The following KCNJ5 variants were observed in gnomAD, a reference collection of about 807,000 sequenced individuals.
The protein encoded by KCNJ5 is G protein-activated inward rectifier potassium channel 4.
In KCNJ5, 12 loss-of-function variants were observed where a neutral mutation model predicts 20.2. The observed-to-expected ratio is 0.59, with a 90% CI of 0.38 to 0.96. The LOEUF (loss-of-function observed/expected upper bound fraction) is 0.96, where lower values mean the gene tolerates loss of function less well. Ranked by LOEUF, KCNJ5 falls within the 40% of genes least tolerant of loss-of-function variation. The pLI, the probability that KCNJ5 is intolerant of heterozygous loss-of-function variation, is 0.00. For missense variants in KCNJ5, 449 were observed against 557.6 expected (o/e 0.81, Z 1.96); for synonymous variants, 210 against 213.9 (o/e 0.98, Z 0.16).
At chr11:128,905,771 G>A (rs1294388416) in intron 1 of KCNJ5, 3 of 152,590 alleles carry the variant, frequency 2.0e-5, no homozygotes, top group Non-Finnish European at 4.4e-5. Context: ...GGGAGGAAAG[G>A]GGCACGGGTT....
At chr11:128,908,288 A>C (rs1310398491) in intron 1 of KCNJ5, among the ~76,000 whole-genome samples, 1 of 152,244 alleles carries the variant, frequency 6.6e-6, no homozygotes, top group African/African-American at 2.4e-5. Context: ...CTTTCCATGA[A>C]TCCCTACAAT....
At chr11:128,903,903 C>G (rs4937388) in intron 1 of KCNJ5, among the ~76,000 whole-genome samples, 44,848 of 151,364 alleles carry the variant, frequency 0.3, 7,007 homozygotes, top group African/African-American at 0.41. Flanking sequence ...GTGCTCCCCC[C>G]GGGACTCAGA....
chr11:128,896,543 G>A (rs970549725), intron 1 of KCNJ5, among the ~76,000 whole-genome samples: 3 of 152,096 alleles, frequency 2.0e-5, no homozygotes, highest in African/African-American at 7.2e-5. Context: ...TTTGGGATTG[G>A]CTTTTTTCAC....
chr11:128,911,140 C>A lies in KCNJ5; in HGVS notation c.-10-124C>A. 1 of 764,476 alleles carries A rather than the reference C, an allele frequency of 1.3e-6. No homozygotes were observed. Among genetic ancestry groups the A allele is most frequent in the Non-Finnish European group, 2.3e-6 (1 of 441,220 alleles). 47.4% of individuals were successfully genotyped at this position (764,476 alleles called of 1,614,324 possible). A position where few individuals can be genotyped will look rare whatever the true frequency, so the allele number is the denominator to read the frequency against. Reference sequence around the variant, plus strand: ...GAGGCCCCTGCCCTTGAGGATTTCACGCCCTGACCCCTGGATAACAGAAGA... The same window carrying A: ...GAGGCCCCTGCCCTTGAGGATTTCAAGCCCTGACCCCTGGATAACAGAAGA... On this transcript the variant is annotated intron_variant, in intron 1 of 2. Coordinates refer to ENST00000529694, the MANE Select transcript of KCNJ5 (RefSeq NM_000890.5). The surrounding 1 kb of genome is among the most constrained non-coding windows in gnomAD (Gnocchi z 6.3).
chr11:128,919,218 TG>T lies in KCNJ5; in HGVS notation c.*2489del, dbSNP rs1364037104. ...CTGGCCTTGCACCTGGACAGCGGCC[TG>T]GCTCCTCCCCACACCTGCCTTCATT... On this transcript the variant is annotated 3_prime_UTR_variant, in exon 3 of 3. Transcript: ENST00000529694. 6.6e-6 allele frequency: 1 copy of T among 152,540 alleles called. No individual in the cohort carries two copies. The highest frequency in any genetic ancestry group is 2.4e-5 in the African/African-American group (1 of 41,470). The allele number at this position is 152,540 out of a possible 1,614,324, so 9.4% of individuals were successfully genotyped here.
At chr11:128,905,150 C>A (rs1383018515) in intron 1 of KCNJ5, among the ~76,000 whole-genome samples, 1 of 152,230 alleles carries the variant, frequency 6.6e-6, no homozygotes, top group Non-Finnish European at 1.5e-5. Flanking sequence ...GCCCTTCCTC[C>A]AGGAAGAGAG....
intron 1 of KCNJ5, chr11:128,904,458 T>G (rs748342179): frequency 1.0e-4 from 164 of 1,613,858 alleles, no homozygotes; most frequent in Non-Finnish European, 1.4e-4. Flanking sequence ...GGCCAGATTC[T>G]GGGACTAGGC....
chr11:128,891,439 C>CAGAAAGAG lies in KCNJ5; in HGVS notation c.-292_-291insGAAAGAGA, dbSNP rs886048000. The CAGAAAGAG allele has an allele frequency of 7.3e-5, 5 of 68,776 alleles. No individual in the cohort carries two copies. The highest frequency in any genetic ancestry group is 3.3e-4 in the African/African-American group (5 of 15,150). The allele number at this position is 68,776 out of a possible 1,614,324, so 4.3% of individuals were successfully genotyped here. A position where few individuals can be genotyped will look rare whatever the true frequency, so the allele number is the denominator to read the frequency against. On this transcript the variant is annotated 5_prime_UTR_variant, in exon 1 of 3. Transcript: ENST00000529694. ...ACACACACACACACACACACACACA[C>CAGAAAGAG]ACAGAGAGAGAGAGAGAGAGAGAGA...
chr11:128,916,303 T>C, intron 2 of KCNJ5, 106 bp from the exon 3 acceptor site: 1 of 862,542 alleles, frequency 1.2e-6, no homozygotes, highest in South Asian at 1.4e-5. Context: ...GATGGATGGA[T>C]GGATGGATAG....
Position 128,917,000 on chromosome 11 carries a change from G to T in KCNJ5, c.*269G>T. On this transcript the variant is annotated 3_prime_UTR_variant, in exon 3 of 3. Coordinates refer to ENST00000529694, the MANE Select transcript of KCNJ5 (RefSeq NM_000890.5). The stretch of plus-strand genomic sequence containing the variant: ...AGGCCAGGATGAGTTTCCCCATGGT[G>T]AATGTTACCGGATGGCATCTGTTCT... The T allele has an allele frequency of 2.4e-6, 1 of 425,196 alleles. No homozygotes were observed. The highest frequency in any genetic ancestry group is 4.2e-6 in the Non-Finnish European group (1 of 237,334). 26.3% of individuals were successfully genotyped at this position (425,196 alleles called of 1,614,324 possible). A position where few individuals can be genotyped will look rare whatever the true frequency, so the allele number is the denominator to read the frequency against.
At chr11:128,896,000 C>T (rs1944171247) in intron 1 of KCNJ5, among the ~76,000 whole-genome samples, 1 of 152,234 alleles carries the variant, frequency 6.6e-6, no homozygotes, top group Non-Finnish European at 1.5e-5. Context: ...ACCTCTCCTG[C>T]ATCTCTTTCA....
chr11:128,904,332 C>A (rs1565547335), intron 1 of KCNJ5: 4 of 1,522,628 alleles, frequency 2.6e-6, no homozygotes, highest in Non-Finnish European at 3.6e-6. Context: ...GCCTCTCTCT[C>A]ACTCTCTACT....
chr11:128,900,199 TTC>T (rs1944251427), intron 1 of KCNJ5: 1 of 152,212 alleles, frequency 6.6e-6, no homozygotes, highest in Non-Finnish European at 1.5e-5. Context: ...TCTCTGTATT[TTC>T]TCCAAAGAAT....
At position 128,911,264 on chromosome 11, in the gene KCNJ5, C is replaced by T; in HGVS notation, c.-10C>T. ...CTGATGGTGTCTTTTTAACTCAAAGCATCCCAGCTATGGCTGGCGATTCTA... is the reference window on the plus strand; with the variant it reads ...CTGATGGTGTCTTTTTAACTCAAAGTATCCCAGCTATGGCTGGCGATTCTA... On this transcript the variant is annotated splice_region_variant and 5_prime_UTR_variant, in exon 2 of 3. Coordinates refer to ENST00000529694, the MANE Select transcript of KCNJ5 (RefSeq NM_000890.5). The surrounding 1 kb of genome is among the most constrained non-coding windows in gnomAD (Gnocchi z 6.3). 1 of 1,612,214 alleles carries T rather than the reference C, an allele frequency of 6.2e-7. No individual in the cohort carries two copies. Among genetic ancestry groups the T allele is most frequent in the Non-Finnish European group, 8.5e-7 (1 of 1,178,454 alleles).
At chr11:128,895,307 T>A (rs905954255) in intron 1 of KCNJ5, among the ~76,000 whole-genome samples, 4 of 151,998 alleles carry the variant, frequency 2.6e-5, no homozygotes, top group East Asian at 1.9e-4. Flanking sequence ...GGGAGTGGGG[T>A]GCAGTGCAAG....
rs1704244758 is a variant in KCNJ5, at chr11:128,917,428, C to T, written c.*697C>T. On this transcript the variant is annotated 3_prime_UTR_variant, in exon 3 of 3. Coordinates refer to ENST00000529694, the MANE Select transcript of KCNJ5 (RefSeq NM_000890.5). ...AGAAGGTGGCCTGGGACTAGACAGC[C>T]CCTCTGAGCACATGCATAGTGGCAT... 1 of 152,406 alleles carries T rather than the reference C, an allele frequency of 6.6e-6. No individual in the cohort carries two copies. Among genetic ancestry groups the T allele is most frequent in the Admixed American group, 6.5e-5 (1 of 15,274 alleles). 9.4% of individuals were successfully genotyped at this position (152,406 alleles called of 1,614,324 possible). A position where few individuals can be genotyped will look rare whatever the true frequency, so the allele number is the denominator to read the frequency against.
chr11:128,904,558 C>A, intron 1 of KCNJ5: 1 of 1,119,940 alleles, frequency 8.9e-7, no homozygotes, highest in South Asian at 1.2e-5. Context: ...GGACCAGCCG[C>A]GTCAACATCA....
intron 1 of KCNJ5, among the ~76,000 whole-genome samples, chr11:128,910,960 T>C (rs1944487214): frequency 6.6e-6 from 1 of 152,230 alleles, no homozygotes; most frequent in African/African-American, 2.4e-5. Context: ...TCTTTTTAAA[T>C]TGCTCCCAGG....
rs1362335766 is a variant in KCNJ5, at chr11:128,918,419, G to A, written c.*1688G>A. ...GGAGGCCCAAGAGCAAGGGTGGAGG[G>A]GGGCAGATTGTCAGGTCCCGAAATG... is the stretch of plus-strand genomic sequence containing the variant. On this transcript the variant is annotated 3_prime_UTR_variant, in exon 3 of 3. Coordinates refer to ENST00000529694, the MANE Select transcript of KCNJ5 (RefSeq NM_000890.5). 6.6e-6 allele frequency: 1 copy of A among 152,360 alleles called. No individual in the cohort carries two copies. The highest frequency in any genetic ancestry group is 1.5e-5 in the Non-Finnish European group (1 of 68,156). 9.4% of individuals were successfully genotyped at this position (152,360 alleles called of 1,614,324 possible). A position where few individuals can be genotyped will look rare whatever the true frequency, so the allele number is the denominator to read the frequency against.
Sources: allele counts gnomAD v4.1 joint callset (sites outside exome capture counted in the v4.1 genomes callset), GRCh38; gene constraint gnomAD v4.1.1; non-coding constraint Gnocchi (gnomAD v3.1); transcripts MANE v1.5; gene names NCBI Gene and HGNC (gene_info 2026-07-23, HGNC 2026-07-21).